PDCD10: variants seen among roughly 807,000 people sequenced by gnomAD.
PDCD10 encodes programmed cell death 10, also known as programmed cell death protein 10.
Under a neutral mutation model 29.2 loss-of-function variants are expected in PDCD10, and 4 were observed. The ratio of observed to expected loss-of-function variants is 0.14; its 90% confidence interval spans 0.07 to 0.31. The LOEUF is 0.31. Among genes scored for constraint, PDCD10 ranks in the 10% least tolerant of loss-of-function variants. The pLI is 1.00. For synonymous variants in PDCD10, 70 were observed against 82.2 expected, an observed-to-expected ratio of 0.85 and a Z score of 0.80; for missense variants, 183 against 257.9, an observed-to-expected ratio of 0.71 and a Z score of 1.99.
At chr3:167,706,352 A>G (rs932830397) in intron 3 of PDCD10, among the ~76,000 whole-genome samples, 2 of 152,168 alleles carry the variant, frequency 1.3e-5, no homozygotes, top group African/African-American at 4.8e-5. Context: ...ATGGGGATGG[A>G]TATGTTTTGA....
chr3:167,701,945 G>T lies in PDCD10; in HGVS notation c.150+2897C>A, dbSNP rs567518749. Among the ~76,000 whole-genome samples the T allele has an allele frequency of 1.1e-4, 17 of 152,264 alleles. No individual in the cohort carries two copies. The South Asian group carries it at 3.5e-3, about 32-fold the overall frequency. On this transcript the variant is annotated intron_variant, in intron 4 of 8. Coordinates refer to ENST00000392750, the MANE Select transcript of PDCD10 (RefSeq NM_007217.4). Reference sequence around the variant, plus strand: ...AAGGTTTCAAGATATGGATATCAGAGAAATTTAAGAGCTAATGGACAATGA... The same window carrying T: ...AAGGTTTCAAGATATGGATATCAGATAAATTTAAGAGCTAATGGACAATGA...
chr3:167,684,270 C>T lies in PDCD10; in HGVS notation c.*38G>A, dbSNP rs1719335040. On this transcript the variant is annotated 3_prime_UTR_variant, in exon 9 of 9. Coordinates refer to ENST00000392750, the MANE Select transcript of PDCD10 (RefSeq NM_007217.4). ...ATTTACAGATAAAGGCAGTTCAATA[C>T]TGCCACTGAGAAGTACATCTCTTAA... The T allele has an allele frequency of 2.7e-6, 3 of 1,115,476 alleles. No individual in the cohort carries two copies. The highest frequency in any genetic ancestry group is 2.4e-5 in the East Asian group (1 of 42,346). 69.1% of individuals were successfully genotyped at this position (1,115,476 alleles called of 1,614,324 possible). A position where few individuals can be genotyped will look rare whatever the true frequency, so the allele number is the denominator to read the frequency against.
chr3:167,729,422 A>G (rs1361409282), intron 2 of PDCD10, among the ~76,000 whole-genome samples: 1 of 152,180 alleles, frequency 6.6e-6, no homozygotes, highest in Non-Finnish European at 1.5e-5. Context: ...AATGCAGTTC[A>G]ATCACTAACA....
At chr3:167,719,562 A>C (rs1723363242) in intron 3 of PDCD10, among the ~76,000 whole-genome samples, 2 of 152,138 alleles carry the variant, frequency 1.3e-5, no homozygotes, top group South Asian at 4.1e-4. Flanking sequence ...ATATCTTCCA[A>C]ATATCGGTTT....
chr3:167,705,013 T>A, intron 3 of PDCD10, 118 bp from the exon 4 acceptor site: 1 of 644,684 alleles, frequency 1.6e-6, no homozygotes, highest in Non-Finnish European at 2.8e-6. Flanking sequence ...ACATTCTTGT[T>A]AACAATTGTA....
At chr3:167,685,830 A>T (rs912719734) in intron 8 of PDCD10, among the ~76,000 whole-genome samples, 2 of 152,316 alleles carry the variant, frequency 1.3e-5, no homozygotes, top group Admixed American at 1.3e-4. Context: ...AGCTTATTAA[A>T]CTAAGTCATC....
intron 6 of PDCD10, among the ~76,000 whole-genome samples, chr3:167,693,713 C>A (rs926585641): frequency 1.1e-4 from 17 of 151,496 alleles, no homozygotes; most frequent in African/African-American, 3.9e-4. Flanking sequence ...GAGGCCAAGG[C>A]AGGAGGATCA....
At chr3:167,685,258 C>T (rs1380411217) in intron 8 of PDCD10, among the ~76,000 whole-genome samples, 1 of 151,710 alleles carries the variant, frequency 6.6e-6, no homozygotes, top group Non-Finnish European at 1.5e-5. Flanking sequence ...ACTAAAAATA[C>T]AAAAATTAGC....
intron 2 of PDCD10, among the ~76,000 whole-genome samples, chr3:167,726,861 GC>G (rs745839577): frequency 6.6e-6 from 1 of 152,046 alleles, no homozygotes; most frequent in Non-Finnish European, 1.5e-5. Flanking sequence ...CCCTAGTCCT[GC>G]CCCTGCATAA....
chr3:167,713,818 C>T (rs1722755653), intron 3 of PDCD10, among the ~76,000 whole-genome samples: 1 of 151,866 alleles, frequency 6.6e-6, no homozygotes, highest in East Asian at 1.9e-4. Context: ...TGGATAAATT[C>T]CCAGACATAT....
At chr3:167,732,300 A>G (rs1489129214) in intron 2 of PDCD10, among the ~76,000 whole-genome samples, 1 of 152,216 alleles carries the variant, frequency 6.6e-6, no homozygotes, top group Admixed American at 6.5e-5. Context: ...AACAGCCCCT[A>G]TTCTTACAGA....
chr3:167,708,656 T>C (rs1287622664), intron 3 of PDCD10, among the ~76,000 whole-genome samples: 2 of 152,152 alleles, frequency 1.3e-5, no homozygotes, highest in African/African-American at 2.4e-5. Context: ...AGAAGTCACT[T>C]ATTAGTTTTT....
At position 167,733,180 on chromosome 3, in the gene PDCD10, CTT is replaced by C. The variant is rs60016045; in HGVS notation, c.-117+1032_-117+1033del. On this transcript the variant is annotated intron_variant, in intron 2 of 8. Transcript: ENST00000392750. ...AAATTCAGCATAGTCTGATGATCAA[CTT>C]ATATATAAAACAGTAAGCTATGATT... Among the ~76,000 whole-genome samples, 1,216 of 152,236 alleles carry C rather than the reference CTT, an allele frequency of 8.0e-3. 89 individuals are homozygous for C. The East Asian group carries it at 0.17, about 21-fold the overall frequency.
chr3:167,697,750 C>T, intron 4 of PDCD10: 1 of 259,934 alleles, frequency 3.8e-6, no homozygotes, highest in Non-Finnish European at 7.7e-6. Flanking sequence ...ACCTTTTGAG[C>T]TTGTTTCATT....
intron 8 of PDCD10, among the ~76,000 whole-genome samples, chr3:167,685,078 A>G (rs6799636): frequency 0.049 from 7,434 of 152,002 alleles, 595 homozygotes; most frequent in African/African-American, 0.17. Flanking sequence ...TCCTAGTATC[A>G]TATCTAGCAT....
intron 2 of PDCD10, among the ~76,000 whole-genome samples, chr3:167,731,881 T>G (rs1276982765): frequency 1.3e-5 from 2 of 152,144 alleles, no homozygotes; most frequent in African/African-American, 4.8e-5. Flanking sequence ...ACGTGAAAAC[T>G]GACTACCAGG....
intron 2 of PDCD10, among the ~76,000 whole-genome samples, chr3:167,728,738 T>C (rs1438929831): frequency 6.6e-6 from 1 of 152,200 alleles, no homozygotes; most frequent in African/African-American, 2.4e-5. Flanking sequence ...TCCAACACAG[T>C]ATTCTGCATA....
At chr3:167,702,843 T>G (rs1721583628) in intron 4 of PDCD10, among the ~76,000 whole-genome samples, 2 of 152,170 alleles carry the variant, frequency 1.3e-5, no homozygotes, top group African/African-American at 4.8e-5. Context: ...TGTAACAAAC[T>G]AAATGTGATA....
At chr3:167,686,142 T>C (rs572950911) in intron 8 of PDCD10, among the ~76,000 whole-genome samples, 26 of 152,302 alleles carry the variant, frequency 1.7e-4, no homozygotes, top group Admixed American at 3.3e-4. Flanking sequence ...TAAAAAATAA[T>C]CTTGTTCAAA....
Sources: allele counts gnomAD v4.1 joint callset (sites outside exome capture counted in the v4.1 genomes callset), GRCh38; gene constraint gnomAD v4.1.1; transcripts MANE v1.5; gene names NCBI Gene and HGNC (gene_info 2026-07-23, HGNC 2026-07-21).